SNX25: variants seen among roughly 807,000 people sequenced by gnomAD.
SNX25 encodes sorting nexin 25, also known as sorting nexin-25.
Under a neutral mutation model 113.7 loss-of-function variants are expected in SNX25, and 62 were observed. The observed-to-expected ratio is 0.55, with a 90% confidence interval of 0.44 to 0.67. The LOEUF is 0.67. Among genes scored for constraint, SNX25 ranks in the 30% least tolerant of loss-of-function variants. The pLI is 0.00. For synonymous variants in SNX25, 421 were observed against 436.2 expected (o/e 0.97, Z 0.43); for missense variants, 1,014 against 1,161.0 (o/e 0.87, Z 1.84).
intron 15 of SNX25, among the ~76,000 whole-genome samples, 181 bp downstream of exon 15, chr4:185,353,783 C>G (rs1368227016): frequency 6.6e-6 from 1 of 152,112 alleles, no homozygotes; most frequent in Non-Finnish European, 1.5e-5. Flanking sequence ...CGGTGGCTCA[C>G]GCCTGTAATC....
At chr4:185,239,325 T>G (rs575028331) in intron 1 of SNX25, among the ~76,000 whole-genome samples, 1 of 151,722 alleles carries the variant, frequency 6.6e-6, no homozygotes, top group Non-Finnish European at 1.5e-5. Context: ...CTACTAAAAA[T>G]GCAAAAAATT....
At chr4:185,273,823 A>G (rs1169674774) in intron 5 of SNX25, among the ~76,000 whole-genome samples, 6 of 152,146 alleles carry the variant, frequency 3.9e-5, no homozygotes, top group South Asian at 2.1e-4. Context: ...ATTGTTGCCA[A>G]TGGCAGGATT....
At chr4:185,250,722 G>GT (rs61427126) in intron 2 of SNX25, among the ~76,000 whole-genome samples, 196 of 143,374 alleles carry the variant, frequency 1.4e-3, no homozygotes, top group South Asian at 2.4e-3. Context: ...TCAGTTTATG[G>GT]TTTTTTTTTT....
chr4:185,247,417 C>T (rs752710062), intron 2 of SNX25, 39 bp downstream of exon 2: 2 of 1,325,632 alleles, frequency 1.5e-6, no homozygotes, highest in South Asian at 2.4e-5. Context: ...CCATGTAAAG[C>T]AATTCATTAT....
chr4:185,323,433 C>G, intron 8 of SNX25, 95 bp from the exon 9 acceptor site: 1 of 1,269,428 alleles, frequency 7.9e-7, no homozygotes, highest in East Asian at 2.4e-5. Flanking sequence ...TCTTAAATGT[C>G]TTTCTTCTGA....
At chr4:185,315,516 C>T (rs2095066435) in intron 7 of SNX25, among the ~76,000 whole-genome samples, 1 of 151,966 alleles carries the variant, frequency 6.6e-6, no homozygotes, top group Non-Finnish European at 1.5e-5. Context: ...CTGGTCTCAA[C>T]CTGCTAAGTT....
chr4:185,341,938 T>C, intron 11 of SNX25, 38 bp from the exon 12 acceptor site: 3 of 1,556,276 alleles, frequency 1.9e-6, no homozygotes, highest in Non-Finnish European at 2.6e-6. Flanking sequence ...CCATTCACCA[T>C]GCTTTTTGTA....
chr4:185,378,175 G>A, the SNX25 span: 1 of 1,613,790 alleles, frequency 6.2e-7, no homozygotes, highest in Non-Finnish European at 8.5e-7. Context: ...ACTTTTCACT[G>A]GTCAACTTCA....
chr4:185,307,551 T>C (rs963884306), intron 6 of SNX25, among the ~76,000 whole-genome samples: 1 of 152,070 alleles, frequency 6.6e-6, no homozygotes, highest in African/African-American at 2.4e-5. Flanking sequence ...ACCCCCTCAC[T>C]CCACACAGAC....
intron 13 of SNX25, among the ~76,000 whole-genome samples, chr4:185,350,867 A>C (rs6834276): frequency 0.37 from 55,372 of 151,404 alleles, 11,500 homozygotes; most frequent in African/African-American, 0.59. Context: ...GTCTCAAAAA[A>C]AAAGAAAAGA....
At chr4:185,250,202 C>T (rs1350696519) in intron 2 of SNX25, among the ~76,000 whole-genome samples, 3 of 152,162 alleles carry the variant, frequency 2.0e-5, no homozygotes, top group East Asian at 1.9e-4. Flanking sequence ...TCCCTCAGTC[C>T]GAGGACATAG....
chr4:185,237,656 T>TCC (rs1742838085), intron 1 of SNX25, among the ~76,000 whole-genome samples: 1 of 152,084 alleles, frequency 6.6e-6, no homozygotes, highest in South Asian at 2.1e-4. Context: ...TGAACATGGC[T>TCC]CAAAGTTTAG....
Position 185,363,540 on chromosome 4 carries a change from G to T in SNX25, c.*75G>T. 1.5e-6 allele frequency: 2 copies of T among 1,376,022 alleles called. No homozygotes were observed. The highest frequency in any genetic ancestry group is 2.1e-6 in the Non-Finnish European group (2 of 968,236). The allele number at this position is 1,376,022 out of a possible 1,614,324, so 85.2% of individuals were successfully genotyped here. A position where few individuals can be genotyped will look rare whatever the true frequency, so the allele number is the denominator to read the frequency against. ...AAACATTTTCCTCTTTTCCACAGAGGGCTTAACTGAGAACCGTATTGATTT... is the reference window on the plus strand; with the variant it reads ...AAACATTTTCCTCTTTTCCACAGAGTGCTTAACTGAGAACCGTATTGATTT... On this transcript the variant is annotated 3_prime_UTR_variant, in exon 19 of 19. Coordinates refer to ENST00000652585, the MANE Select transcript of SNX25 (RefSeq NM_001378034.2). The surrounding 1 kb of genome is among the most constrained non-coding windows in gnomAD (Gnocchi z 4.2).
At chr4:185,311,329 G>T (rs940386196) in intron 7 of SNX25, among the ~76,000 whole-genome samples, 1 of 152,186 alleles carries the variant, frequency 6.6e-6, no homozygotes, top group African/African-American at 2.4e-5. Flanking sequence ...TGACTGGTTT[G>T]CAAATGTGAG....
downstream of SNX25, among the ~76,000 whole-genome samples, chr4:185,373,790 T>C (rs1412475194): frequency 6.6e-6 from 1 of 152,240 alleles, no homozygotes; most frequent in Non-Finnish European, 1.5e-5. Context: ...AACTAATTCT[T>C]GGTATATTTT....
intron 3 of SNX25, among the ~76,000 whole-genome samples, chr4:185,262,333 C>T (rs1349439942): frequency 6.6e-6 from 1 of 152,176 alleles, no homozygotes. Flanking sequence ...TGTCTCGCTC[C>T]AGCATGTTTT....
intron 6 of SNX25, among the ~76,000 whole-genome samples, chr4:185,299,262 G>A (rs905858541): frequency 3.3e-5 from 5 of 152,188 alleles, no homozygotes; most frequent in African/African-American, 1.2e-4. Flanking sequence ...CCTTGTGCAC[G>A]TAGGTAGGTC....
rs534814667 is a variant in SNX25, at chr4:185,218,885, T to C, written c.429+8630T>C. ...GGTGAGTTTACATAAATTAAACTAA[T>C]TTTAAAGTTTTTTTTAATGAGGTTC... On this transcript the variant is annotated intron_variant, in intron 1 of 18. Transcript: ENST00000652585. 2.0e-4 allele frequency among the ~76,000 whole-genome samples: 17 copies of C among 85,648 alleles called. No homozygotes were observed. In the South Asian group the frequency reaches 5.3e-3, roughly 27 times the overall value. 56.2% of individuals were successfully genotyped at this position (85,648 alleles called of 152,430 possible).
chr4:185,301,953 G>A (rs183550152), intron 6 of SNX25, among the ~76,000 whole-genome samples: 1 of 151,532 alleles, frequency 6.6e-6, no homozygotes, highest in Non-Finnish European at 1.5e-5. Context: ...AGGCTGGAGT[G>A]CAATGGTGTG....
Sources: allele counts gnomAD v4.1 joint callset (sites outside exome capture counted in the v4.1 genomes callset), GRCh38; gene constraint gnomAD v4.1.1; non-coding constraint Gnocchi (gnomAD v3.1); transcripts MANE v1.5; gene names NCBI Gene and HGNC (gene_info 2026-07-23, HGNC 2026-07-21).